MYSM1: variants seen among roughly 807,000 people sequenced by gnomAD.
MYSM1 encodes the protein deubiquitinase MYSM1.
MYSM1 carries 51 observed loss-of-function variants against 116.0 expected under a neutral mutation model. The ratio of observed to expected loss-of-function variants is 0.44; its 90% CI spans 0.35 to 0.56. The LOEUF is 0.56. MYSM1 is among the 20% of genes least tolerant of loss of function. The probability of loss-of-function intolerance (pLI) is 0.00; values close to 1 mark genes in which losing one functional copy is unlikely to be tolerated. For synonymous variants in MYSM1, 313 were observed against 315.2 expected (o/e 0.99, Z 0.07); for missense variants, 900 against 974.9 (o/e 0.92, Z 1.02).
intron 19 of MYSM1, among the ~76,000 whole-genome samples, chr1:58,660,607 C>T (rs1047873197): frequency 1.3e-5 from 2 of 152,022 alleles, no homozygotes; most frequent in Non-Finnish European, 2.9e-5. Context: ...ACACAAAAAA[C>T]TGGATATAAC....
At chr1:58,699,838 A>G in intron 1 of MYSM1, 147 bp downstream of exon 1, 1 of 1,417,062 alleles carries the variant, frequency 7.1e-7, no homozygotes, top group East Asian at 2.7e-5. Flanking sequence ...CCGGCGGGCG[A>G]GGTGCCTCCC....
At chr1:58,685,388 T>C in intron 6 of MYSM1, 137 bp from the exon 7 acceptor site, 2 of 529,712 alleles carry the variant, frequency 3.8e-6, no homozygotes, top group East Asian at 3.1e-5. Context: ...TAAAGTCTTC[T>C]ATATAGACTA....
intron 6 of MYSM1, 74 bp from the exon 7 acceptor site, chr1:58,685,325 T>C (rs1009835684): frequency 9.2e-5 from 58 of 633,430 alleles, no homozygotes; most frequent in Non-Finnish European, 1.2e-4. Context: ...ACTACCACAT[T>C]AAAAAAAAAA....
intron 3 of MYSM1, 136 bp downstream of exon 3, chr1:58,692,723 AGG>A: frequency 1.8e-6 from 1 of 564,726 alleles, no homozygotes; most frequent in Non-Finnish European, 3.1e-6. Flanking sequence ...TTGCATACAT[AGG>A]TAACATGAAA....
Position 58,659,890 on chromosome 1 carries a change from G to GA in MYSM1, c.*106dup. On this transcript the variant is annotated 3_prime_UTR_variant, in exon 20 of 20. Transcript: ENST00000472487. Reference sequence around the variant, plus strand: ...CAAAGTTTGGATTTTGTGAAATAGAGAAAAAATACCAAAGCTGTGCCAATG... The same window carrying GA: ...CAAAGTTTGGATTTTGTGAAATAGAGAAAAAAATACCAAAGCTGTGCCAATG... The GA allele has an allele frequency of 2.6e-6, 2 of 778,340 alleles. No individual in the cohort carries two copies. The highest frequency in any genetic ancestry group is 6.0e-5 in the South Asian group (2 of 33,502). 48.2% of individuals were successfully genotyped at this position (778,340 alleles called of 1,614,324 possible).
intron 6 of MYSM1, 75 bp from the exon 7 acceptor site, chr1:58,685,326 A>T (rs980846354): frequency 9.7e-4 from 68 of 70,382 alleles, no homozygotes; most frequent in Non-Finnish European, 4.4e-4. Flanking sequence ...CTACCACATT[A>T]AAAAAAAAAA....
At chr1:58,674,093 G>A (rs1331845867) in intron 10 of MYSM1, among the ~76,000 whole-genome samples, 2 of 152,066 alleles carry the variant, frequency 1.3e-5, no homozygotes, top group Admixed American at 6.5e-5. Context: ...GCAGTGGCGT[G>A]ATCTTTGCTT....
chr1:58,699,864 C>A, intron 1 of MYSM1, 121 bp downstream of exon 1: 1 of 1,490,062 alleles, frequency 6.7e-7, no homozygotes, highest in African/African-American at 1.4e-5. Context: ...AACAAGAGAC[C>A]CTGGCCCAGG....
intron 1 of MYSM1, among the ~76,000 whole-genome samples, chr1:58,698,099 TA>T (rs376575578): frequency 0.4 from 13,471 of 33,520 alleles, 2,563 homozygotes; most frequent in South Asian, 0.55. Context: ...TATATATATA[TA>T]TATTTTTTTT....
intron 1 of MYSM1, 64 bp from the exon 2 acceptor site, chr1:58,695,271 A>G (rs1440532982): frequency 2.9e-6 from 3 of 1,022,998 alleles, no homozygotes; most frequent in Non-Finnish European, 4.5e-6. Flanking sequence ...TGTAACTTAC[A>G]CAGCACAGAA....
intron 16 of MYSM1, 113 bp from the exon 17 acceptor site, chr1:58,665,744 C>T (rs1644458000): frequency 3.9e-6 from 3 of 764,604 alleles, no homozygotes; most frequent in Non-Finnish European, 4.1e-6. Flanking sequence ...CAAAAAGGTG[C>T]ATTAAAAAGT....
chr1:58,667,361 A>C, intron 15 of MYSM1, 135 bp from the exon 16 acceptor site: 1 of 572,044 alleles, frequency 1.7e-6, no homozygotes, highest in Non-Finnish European at 2.8e-6. Context: ...GTTGCCTTTA[A>C]CTTGCAAATG....
Position 58,682,027 on chromosome 1 carries a change from A to G in MYSM1, c.1017T>C (p.Pro339=), listed in dbSNP as rs1443301042. 1 of 1,614,180 alleles carries G rather than the reference A, an allele frequency of 6.2e-7. No homozygotes were observed. Among genetic ancestry groups the G allele is most frequent in the Non-Finnish European group, 8.5e-7 (1 of 1,180,038 alleles). The part of the protein sequence containing the change: ...RGIIVDARQL[P]SPEPCEIQKN... Reference sequence around the variant, plus strand: ...TCTGAATTTCACAAGGCTCTGGAGAAGGCAACTGCCTGGCATCAACTATTA... The same window carrying G: ...TCTGAATTTCACAAGGCTCTGGAGAGGGCAACTGCCTGGCATCAACTATTA... Residue 339 remains proline (P), a synonymous_variant, in exon 8 of 20, where the codon CCT becomes CCC. Transcript: ENST00000472487.
At chr1:58,673,793 G>A (rs1644601630) in intron 10 of MYSM1, 143 bp from the exon 11 acceptor site, 3 of 651,860 alleles carry the variant, frequency 4.6e-6, no homozygotes, top group Non-Finnish European at 7.7e-6. Context: ...GGCAATGACT[G>A]ACTAAACTTT....
In MYSM1 at chr1:58,700,014, G is replaced by A. The variant is rs1211270908; in HGVS notation, c.39C>T (p.Asp13=). The part of the protein sequence containing the change: ...AEEADVDIEG[D]VVAAAGAQPG... ...GCTGTGCCCCCGCCGCCGCTACCAC[G>A]TCCCCTTCGATATCCACATCCGCCT... The change falls in exon 1 of 20, where the codon GAC becomes GAT. Residue 13 remains aspartate, a synonymous_variant. Transcript: ENST00000472487. 1.2e-6 allele frequency: 2 copies of A among 1,613,370 alleles called. No individual in the cohort carries two copies. Among genetic ancestry groups the A allele is most frequent in the Non-Finnish European group, 1.7e-6 (2 of 1,179,982 alleles).
chr1:58,685,306 G>A, intron 6 of MYSM1, 55 bp from the exon 7 acceptor site: 1 of 1,180,950 alleles, frequency 8.5e-7, no homozygotes, highest in Non-Finnish European at 1.2e-6. Context: ...CTTAAGAATA[G>A]TCCAAGCCAC....
intron 19 of MYSM1, among the ~76,000 whole-genome samples, chr1:58,660,561 A>G (rs1426889821): frequency 6.6e-6 from 1 of 152,144 alleles, no homozygotes; most frequent in Non-Finnish European, 1.5e-5. Flanking sequence ...GCTGGAGTCT[A>G]TTTCCTTGGA....
chr1:58,657,773 CTG>C lies in MYSM1; in HGVS notation c.*2222_*2223del, dbSNP rs1644338030. The stretch of plus-strand genomic sequence containing the variant: ...AAAATACTAAGTATTATTTTGAAAA[CTG>C]TGCTCTCAAGGCCCCAAACTCTTGA... On this transcript the variant is annotated 3_prime_UTR_variant, in exon 20 of 20. Coordinates refer to ENST00000472487, the MANE Select transcript of MYSM1 (RefSeq NM_001085487.3). 1 of 152,154 alleles carries C rather than the reference CTG, an allele frequency of 6.6e-6. No individual in the cohort carries two copies. Among genetic ancestry groups the C allele is most frequent in the Non-Finnish European group, 1.5e-5 (1 of 68,016 alleles). 9.4% of individuals were successfully genotyped at this position (152,154 alleles called of 1,614,324 possible). A position where few individuals can be genotyped will look rare whatever the true frequency, so the allele number is the denominator to read the frequency against.
At chr1:58,660,459 A>G (rs1032936694) in intron 19 of MYSM1, among the ~76,000 whole-genome samples, 1 of 152,092 alleles carries the variant, frequency 6.6e-6, no homozygotes, top group Non-Finnish European at 1.5e-5. Context: ...TTGTAGTTAC[A>G]CTTACAAAGC....
Sources: allele counts gnomAD v4.1 joint callset (sites outside exome capture counted in the v4.1 genomes callset), GRCh38; gene constraint gnomAD v4.1.1; transcripts MANE v1.5; gene names NCBI Gene and HGNC (gene_info 2026-07-23, HGNC 2026-07-21).